Variants in WDFY4 observed in about 807,000 individuals in gnomAD.
The protein encoded by WDFY4 is WDFY family member 4.
A neutral mutation model predicts 351.9 loss-of-function variants in WDFY4; 169 were observed. The ratio of observed to expected loss-of-function variants is 0.48; its 90% confidence interval spans 0.42 to 0.55. The LOEUF is 0.55. Among genes scored for constraint, WDFY4 ranks in the 20% least tolerant of loss-of-function variants. The pLI, the probability that WDFY4 is intolerant of heterozygous loss-of-function variation, is 0.00. For missense variants in WDFY4, 3,803 were observed against 3,935.6 expected (o/e 0.97, Z 0.90); for synonymous variants, 1,622 against 1,574.6 (o/e 1.03, Z -0.71).
chr10:48,746,943 C>T (rs184975812), intron 12 of WDFY4, among the ~76,000 whole-genome samples: 4 of 152,256 alleles, frequency 2.6e-5, no homozygotes, highest in Admixed American at 2.0e-4. Context: ...TTTGGATTTA[C>T]CTACATGCTT....
chr10:48,945,496 A>G (rs930851472), intron 49 of WDFY4, among the ~76,000 whole-genome samples: 3 of 152,222 alleles, frequency 2.0e-5, no homozygotes, highest in Non-Finnish European at 2.9e-5. Flanking sequence ...TTCCCAGAGC[A>G]CCTGGCCCTG....
In WDFY4 at chr10:48,813,999, C is replaced by A. The variant is rs1182953449; in HGVS notation, c.5257C>A (p.His1753Asn). The change falls in exon 31 of 62, where the codon CAC (histidine) becomes AAC (asparagine). Residue 1753 changes from histidine to asparagine, a missense_variant. Physicochemically the swap from His to Asn is moderately conservative, Grantham distance 68. This residue lies in a region of WDFY4 where 3,054 missense variants were observed against 3,148.6 expected (regional missense o/e 0.97). Transcript: ENST00000325239. Reference sequence around the variant, plus strand: ...GCTTCAGTGGCTCCTGCAGAGGCACCACCAGGAAGAAGTCCTCCAGGCTGG... The same window carrying A: ...GCTTCAGTGGCTCCTGCAGAGGCACAACCAGGAAGAAGTCCTCCAGGCTGG... ...AMLQWLLQRH[H>N]QEEVLQAGLC... The A allele has an allele frequency of 1.3e-6, 2 of 1,550,622 alleles. No homozygotes were observed. Among genetic ancestry groups the A allele is most frequent in the South Asian group, 2.4e-5 (2 of 83,992 alleles).
At chr10:48,787,938 T>TCTTCTTCTTCTC (rs1565199027) in intron 20 of WDFY4, among the ~76,000 whole-genome samples, 4 of 100,526 alleles carry the variant, frequency 4.0e-5, no homozygotes, top group Admixed American at 1.1e-4. Flanking sequence ...TTCTTCTTCT[T>TCTTCTTCTTCTC]CTTCTTCTTC....
At chr10:48,796,036 G>T (rs139635388) in intron 23 of WDFY4, among the ~76,000 whole-genome samples, 10 of 152,318 alleles carry the variant, frequency 6.6e-5, no homozygotes, top group African/African-American at 2.4e-4. Flanking sequence ...GGCTTGAGGA[G>T]TGTGGGAGGA....
At position 48,966,634 on chromosome 10, in the gene WDFY4, A is replaced by C; in HGVS notation, c.8545A>C (p.Ser2849Arg). 1 of 1,551,840 alleles carries C rather than the reference A, an allele frequency of 6.4e-7. No homozygotes were observed. Among genetic ancestry groups the C allele is most frequent in the Non-Finnish European group, 8.7e-7 (1 of 1,147,014 alleles). Reference protein sequence around the residue: ...LPGHPQPFFYSLQSLRPSQVT... With the variant: ...LPGHPQPFFYRLQSLRPSQVT... ...TGGCCACCCACAGCCCTTTTTCTAC[A>C]GCCTGCAGTCGCTGAGGCCCTCCCA... is the stretch of plus-strand genomic sequence containing the variant. The change falls in exon 55 of 62, where the codon AGC (serine) becomes CGC (arginine). Residue 2849 changes from serine to arginine, a missense_variant. Coordinates refer to ENST00000325239, the MANE Select transcript of WDFY4 (RefSeq NM_001394531.1).
intron 34 of WDFY4, 92 bp downstream of exon 34, chr10:48,821,268 C>T (rs888406523): frequency 3.1e-6 from 3 of 975,690 alleles, no homozygotes; most frequent in Non-Finnish European, 3.1e-6. Context: ...CTGACCCTAG[C>T]TGTGGGATGC....
chr10:48,851,556 C>T (rs897579350), intron 39 of WDFY4, among the ~76,000 whole-genome samples: 6 of 152,192 alleles, frequency 3.9e-5, no homozygotes, highest in Admixed American at 2.6e-4. Context: ...GGCCAGGACC[C>T]GTAACTGTCA....
chr10:48,699,052 A>G (rs2063408338), intron 1 of WDFY4, among the ~76,000 whole-genome samples: 1 of 152,180 alleles, frequency 6.6e-6, no homozygotes, highest in Non-Finnish European at 1.5e-5. Flanking sequence ...TACAGGGCTC[A>G]CAGCCCCTGC....
chr10:48,760,051 G>A (rs866387357), intron 12 of WDFY4, among the ~76,000 whole-genome samples: 1 of 152,108 alleles, frequency 6.6e-6, no homozygotes, highest in East Asian at 1.9e-4. Context: ...CAACGTATCT[G>A]GAGGGAAGGG....
intron 24 of WDFY4, 42 bp downstream of exon 24, chr10:48,796,492 G>A: frequency 6.5e-7 from 1 of 1,535,334 alleles, no homozygotes; most frequent in Non-Finnish European, 8.8e-7. Flanking sequence ...GAGTGTGTGT[G>A]ATGGTAAATA....
At position 48,943,463 on chromosome 10, in the gene WDFY4, G is replaced by A. The variant is rs372972100; in HGVS notation, c.7749+14G>A. The A allele has an allele frequency of 2.0e-4, 315 of 1,550,000 alleles. No individual in the cohort carries two copies. Among genetic ancestry groups the A allele is most frequent in the Non-Finnish European group, 2.5e-4 (287 of 1,145,876 alleles). The stretch of plus-strand genomic sequence containing the variant: ...TACACCTCAGAGGTAAGTTCCTCAC[G>A]TGGAAACCACAGCTGCCCTCAGGTG... On this transcript the variant is annotated intron_variant, in intron 49 of 61. Transcript: ENST00000325239.
At chr10:48,821,004 C>T in intron 33 of WDFY4, 58 bp from the exon 34 acceptor site, 2 of 1,241,068 alleles carry the variant, frequency 1.6e-6, no homozygotes, top group Non-Finnish European at 2.3e-6. Context: ...AGGCGGTGGG[C>T]ACTGGGTGCA....
intron 1 of WDFY4, among the ~76,000 whole-genome samples, chr10:48,704,720 G>T (rs1272251587): frequency 6.6e-6 from 1 of 152,222 alleles, no homozygotes; most frequent in East Asian, 1.9e-4. Flanking sequence ...GCTGTCCACA[G>T]ACCTGGGGGC....
intron 53 of WDFY4, among the ~76,000 whole-genome samples, chr10:48,961,906 G>A (rs190485197): frequency 1.9e-4 from 29 of 152,230 alleles, no homozygotes; most frequent in Admixed American, 1.8e-3. Flanking sequence ...CCAGCCCAAC[G>A]TCCTGGCCCC....
intron 36 of WDFY4, 132 bp from the exon 37 acceptor site, chr10:48,828,646 G>T: frequency 1.8e-6 from 1 of 565,316 alleles, no homozygotes; most frequent in Non-Finnish European, 3.0e-6. Flanking sequence ...GCTTTAATTT[G>T]ATTAGGCAAG....
In WDFY4 at chr10:48,772,405, G is replaced by A. The variant is rs777421192; in HGVS notation, c.2554-2053G>A. Among the ~76,000 whole-genome samples, 11 of 151,916 alleles carry A rather than the reference G, an allele frequency of 7.2e-5. No homozygotes were observed. The South Asian group carries it at 1.5e-3, about 20-fold the overall frequency. On this transcript the variant is annotated intron_variant, in intron 13 of 61. Coordinates refer to ENST00000325239, the MANE Select transcript of WDFY4 (RefSeq NM_001394531.1). ...TGCGTGTACCTGTGTGTATGGACGC[G>A]TGTGCGTGTGTATGTAAGTAGGGGG...
intron 47 of WDFY4, among the ~76,000 whole-genome samples, chr10:48,907,087 A>T (rs1352508537): frequency 6.6e-6 from 1 of 152,184 alleles, no homozygotes; most frequent in Non-Finnish European, 1.5e-5. Context: ...TCTCTGTATC[A>T]GTTCTCTGCA....
chr10:48,736,504 TACTTC>T (rs1350187456), intron 11 of WDFY4, among the ~76,000 whole-genome samples: 82 of 152,384 alleles, frequency 5.4e-4, no homozygotes, highest in East Asian at 9.6e-4. Context: ...GCTAGGCAGC[TACTTC>T]CCACAACACT....
intron 32 of WDFY4, among the ~76,000 whole-genome samples, chr10:48,817,855 C>T (rs997562381): frequency 1.3e-5 from 2 of 152,316 alleles, no homozygotes; most frequent in South Asian, 4.1e-4. Context: ...CCCTTCTAGG[C>T]AGTGGGTTTG....
Sources: allele counts gnomAD v4.1 joint callset (sites outside exome capture counted in the v4.1 genomes callset), GRCh38; gene constraint gnomAD v4.1.1; regional missense constraint gnomAD v4.1.1; transcripts MANE v1.5; gene names NCBI Gene and HGNC (gene_info 2026-07-23, HGNC 2026-07-21).